Variants in KIF18A observed in about 807,000 individuals in gnomAD.
KIF18A encodes kinesin family member 18A.
A neutral mutation model predicts 103.3 loss-of-function variants in KIF18A; 67 were observed. That is an observed-to-expected ratio of 0.65 (90% confidence interval 0.53 to 0.79). The LOEUF is 0.79. KIF18A is among the 30% of genes least tolerant of loss of function. The pLI, the probability that KIF18A is intolerant of heterozygous loss-of-function variation, is 0.00. For synonymous variants in KIF18A, 367 were observed against 355.5 expected, an observed-to-expected ratio of 1.03 and a Z score of -0.36; for missense variants, 1,032 against 1,062.5, an observed-to-expected ratio of 0.97 and a Z score of 0.40.
At chr11:28,062,776 C>T (rs759464983) in intron 11 of KIF18A, among the ~76,000 whole-genome samples, 1 of 151,996 alleles carries the variant, frequency 6.6e-6, no homozygotes, top group Non-Finnish European at 1.5e-5. Flanking sequence ...CTTGGTCTAT[C>T]CAACTTGTTC....
intron 16 of KIF18A, 33 bp from the exon 17 acceptor site, chr11:28,021,315 G>C: frequency 7.7e-7 from 1 of 1,302,692 alleles, no homozygotes; most frequent in South Asian, 1.9e-5. Flanking sequence ...CATAAATATG[G>C]CATAAATATC....
intron 11 of KIF18A, among the ~76,000 whole-genome samples, chr11:28,064,206 T>C (rs1370250754): frequency 6.6e-6 from 1 of 151,814 alleles, no homozygotes; most frequent in East Asian, 1.9e-4. Context: ...ATATAGCAAA[T>C]GTTTTAGAAA....
chr11:28,100,567 G>GC (rs1245944885), intron 1 of KIF18A, among the ~76,000 whole-genome samples: 2 of 150,554 alleles, frequency 1.3e-5, no homozygotes, highest in African/African-American at 4.9e-5. Flanking sequence ...GTGAAGGGGG[G>GC]GGGTGGTGTC....
intron 2 of KIF18A, 116 bp downstream of exon 2, chr11:28,097,507 T>C (rs776462987): frequency 6.8e-6 from 5 of 740,206 alleles, no homozygotes; most frequent in Non-Finnish European, 1.2e-5. Flanking sequence ...TTCTTAAGAA[T>C]TTTTAGCATA....
intron 15 of KIF18A, among the ~76,000 whole-genome samples, chr11:28,028,905 A>G (rs1361887099): frequency 6.6e-6 from 1 of 152,208 alleles, no homozygotes; most frequent in Non-Finnish European, 1.5e-5. Context: ...AAACACCTCT[A>G]TGCAAATAAA....
Position 28,023,922 on chromosome 11 carries a change from T to C in KIF18A, c.2505-72A>G, listed in dbSNP as rs1490295003. On this transcript the variant is annotated intron_variant, in intron 15 of 16. Transcript: ENST00000263181. ...TCAAAGTTCTAATACATATTGTACA[T>C]GCGACAATGATTAAAGAAATAAAAC... The C allele has an allele frequency of 8.5e-5, 55 of 643,902 alleles. No individual in the cohort carries two copies. The East Asian group carries it at 1.6e-3, about 18-fold the overall frequency. The allele number at this position is 643,902 out of a possible 1,614,324, so 39.9% of individuals were successfully genotyped here.
chr11:28,070,991 G>C (rs1851006098), intron 10 of KIF18A, among the ~76,000 whole-genome samples: 1 of 152,180 alleles, frequency 6.6e-6, no homozygotes, highest in Admixed American at 6.5e-5. Flanking sequence ...GGGAGGTTGA[G>C]GCTGCAGTGC....
chr11:28,030,511 A>G (rs1380101067), intron 15 of KIF18A, among the ~76,000 whole-genome samples: 5 of 152,136 alleles, frequency 3.3e-5, no homozygotes, highest in African/African-American at 1.2e-4. Flanking sequence ...CCTTCCTTAC[A>G]CCTTATACAA....
chr11:28,098,278 A>G (rs1851401608), intron 1 of KIF18A, among the ~76,000 whole-genome samples: 2 of 152,214 alleles, frequency 1.3e-5, no homozygotes, highest in Non-Finnish European at 2.9e-5. Context: ...TTAGTAGGAT[A>G]TTTGGCTTAA....
chr11:28,025,890 T>C (rs1463630451), intron 15 of KIF18A, among the ~76,000 whole-genome samples: 1 of 151,984 alleles, frequency 6.6e-6, no homozygotes, highest in Non-Finnish European at 1.5e-5. Flanking sequence ...TCTTCTACTA[T>C]TTTATCTGAA....
intron 13 of KIF18A, among the ~76,000 whole-genome samples, chr11:28,038,375 A>C (rs1323615900): frequency 1.3e-5 from 2 of 151,440 alleles, no homozygotes; most frequent in African/African-American, 4.8e-5. Context: ...ACTTTTTTCT[A>C]CTCTACCTAC....
At chr11:28,067,220 C>G (rs1850943544) in intron 11 of KIF18A, among the ~76,000 whole-genome samples, 1 of 151,982 alleles carries the variant, frequency 6.6e-6, no homozygotes, top group Non-Finnish European at 1.5e-5. Context: ...TATATTATTG[C>G]AAAATATTAC....
intron 15 of KIF18A, 37 bp from the exon 16 acceptor site, chr11:28,023,887 T>G: frequency 8.9e-7 from 1 of 1,121,894 alleles, no homozygotes; most frequent in Non-Finnish European, 1.3e-6. Flanking sequence ...TTAAGCATTT[T>G]TTTTATACCT....
In KIF18A at chr11:28,088,690, C is replaced by A; in HGVS notation, c.731G>T (p.Ser244Ile). The A allele has an allele frequency of 6.2e-7, 1 of 1,613,896 alleles. No individual in the cohort carries two copies. Among genetic ancestry groups the A allele is most frequent in the Non-Finnish European group, 8.5e-7 (1 of 1,179,882 alleles). Residue 244 changes from serine (S) to isoleucine (I), a missense_variant, in exon 6 of 17, where the codon AGT becomes ATT. By Grantham distance (142) the Ser-to-Ile change is moderately radical. Coordinates refer to ENST00000263181, the MANE Select transcript of KIF18A (RefSeq NM_031217.4). Reference protein sequence around the residue: ...IYLRQQDKTASINQNVRIAKM... With the variant: ...IYLRQQDKTAIINQNVRIAKM... ...GGCAATACGGACATTTTGATTGATACTTGCTGTTTTGTCTTGTTGTCGCAA... is the reference window on the plus strand; with the variant it reads ...GGCAATACGGACATTTTGATTGATAATTGCTGTTTTGTCTTGTTGTCGCAA...
chr11:28,026,473 T>C (rs1214365675), intron 15 of KIF18A, among the ~76,000 whole-genome samples: 1 of 151,794 alleles, frequency 6.6e-6, no homozygotes, highest in African/African-American at 2.4e-5. Flanking sequence ...CCTTAGTTAA[T>C]GGCAGGATCT....
intron 16 of KIF18A, among the ~76,000 whole-genome samples, chr11:28,022,026 T>C (rs1284719574): frequency 6.6e-6 from 1 of 152,220 alleles, no homozygotes; most frequent in Non-Finnish European, 1.5e-5. Context: ...TTTCTTTATT[T>C]GTACATTGTT....
intron 10 of KIF18A, among the ~76,000 whole-genome samples, chr11:28,074,132 G>C (rs148143053): frequency 6.8e-4 from 104 of 152,086 alleles, no homozygotes; most frequent in African/African-American, 2.3e-3. Flanking sequence ...GAGTTGTGGA[G>C]TGAGACCTTA....
At chr11:28,067,401 G>C (rs1380890913) in intron 11 of KIF18A, among the ~76,000 whole-genome samples, 1 of 151,998 alleles carries the variant, frequency 6.6e-6, no homozygotes, top group Non-Finnish European at 1.5e-5. Context: ...TCTGCTGCTT[G>C]CTCCTTTCAC....
At chr11:28,090,474 A>C (rs978846740) in intron 5 of KIF18A, 143 bp downstream of exon 5, 1 of 473,744 alleles carries the variant, frequency 2.1e-6, no homozygotes, top group Non-Finnish European at 3.7e-6. Context: ...GGTGACAGAA[A>C]CTTTTCAAAG....
Sources: allele counts gnomAD v4.1 joint callset (sites outside exome capture counted in the v4.1 genomes callset), GRCh38; gene constraint gnomAD v4.1.1; transcripts MANE v1.5; gene names NCBI Gene and HGNC (gene_info 2026-07-23, HGNC 2026-07-21).